Variants in GRB10 observed in about 807,000 individuals in gnomAD.
GRB10 encodes the protein growth factor receptor-bound protein 10.
A neutral mutation model predicts 80.9 loss-of-function variants in GRB10; 20 were observed. The ratio of observed to expected loss-of-function variants is 0.25; its 90% CI spans 0.17 to 0.36. GRB10 has a LOEUF of 0.36. Ranked by LOEUF, GRB10 falls within the 10% of genes least tolerant of loss-of-function variation. GRB10 has a pLI of 1.00. For synonymous variants in GRB10, 291 were observed against 291.5 expected, an observed-to-expected ratio of 1.00 and a Z score of 0.02; for missense variants, 548 against 747.7, an observed-to-expected ratio of 0.73 and a Z score of 3.12.
At chr7:50,629,110 T>C (rs1392108988) in intron 7 of GRB10, among the ~76,000 whole-genome samples, 1 of 152,216 alleles carries the variant, frequency 6.6e-6, no homozygotes, top group Admixed American at 6.5e-5. Context: ...CTAATGCTCT[T>C]CTTCCCTGAG....
rs1356790224 is a variant in GRB10, at chr7:50,674,727, T to C, written c.140-69A>G. ...GAGAGCAATCAAACCCAAATGTACATCTTGGTGATCAGGTTCCAAACCTCA... is the reference window on the plus strand; with the variant it reads ...GAGAGCAATCAAACCCAAATGTACACCTTGGTGATCAGGTTCCAAACCTCA... On this transcript the variant is annotated intron_variant, in intron 5 of 18. Coordinates refer to ENST00000401949, the MANE Select transcript of GRB10 (RefSeq NM_001350814.2). The C allele has an allele frequency of 6.8e-5, 90 of 1,316,426 alleles. No individual in the cohort carries two copies. The East Asian group carries it at 2.0e-3, about 29-fold the overall frequency. The allele number at this position is 1,316,426 out of a possible 1,614,324, so 81.5% of individuals were successfully genotyped here. A position where few individuals can be genotyped will look rare whatever the true frequency, so the allele number is the denominator to read the frequency against.
At position 50,667,042 on chromosome 7, in the gene GRB10, C is replaced by CAAAA. The variant is rs777580027; in HGVS notation, c.504+2676_504+2679dup. 2.8e-5 allele frequency among the ~76,000 whole-genome samples: 3 copies of CAAAA among 108,122 alleles called. 1 individual carries two copies. Among genetic ancestry groups the CAAAA allele is most frequent in the South Asian group, 7.1e-4 (2 of 2,798 alleles). The allele number at this position is 108,122 out of a possible 152,430, so 70.9% of individuals were successfully genotyped here. A position where few individuals can be genotyped will look rare whatever the true frequency, so the allele number is the denominator to read the frequency against. On this transcript the variant is annotated intron_variant, in intron 7 of 18. Coordinates refer to ENST00000401949, the MANE Select transcript of GRB10 (RefSeq NM_001350814.2). ...TGGGCGACAGAGCGAGACTCTGTCT[C>CAAAA]AAAAAAAAAAAAAAAAAAAGGAGAG...
chr7:50,682,480 C>T (rs926375069), intron 5 of GRB10, among the ~76,000 whole-genome samples: 3 of 152,166 alleles, frequency 2.0e-5, no homozygotes, highest in Non-Finnish European at 2.9e-5. Flanking sequence ...GATTGGTAAC[C>T]GTATTTGAAA....
At chr7:50,649,804 G>T (rs917907548) in intron 7 of GRB10, among the ~76,000 whole-genome samples, 1 of 152,196 alleles carries the variant, frequency 6.6e-6, no homozygotes, top group Non-Finnish European at 1.5e-5. Context: ...TCAAGGATAT[G>T]CTCCTCTTCC....
In GRB10 at chr7:50,737,850, AAAAC is replaced by A. The variant is rs919738388; in HGVS notation, c.-46-5486_-46-5483del. 1.3e-3 allele frequency among the ~76,000 whole-genome samples: 198 copies of A among 152,360 alleles called. 1 individual carries two copies. The highest frequency in any genetic ancestry group is 3.1e-3 in the Admixed American group (48 of 15,306). On this transcript the variant is annotated intron_variant, in intron 3 of 18. Coordinates refer to ENST00000401949, the MANE Select transcript of GRB10 (RefSeq NM_001350814.2). Reference sequence around the variant, plus strand: ...GCGACAAGAGCAAAACTCTACCTCAAAAACAAACAAACAAACAAAGAAACAAAAA... The same window carrying A: ...GCGACAAGAGCAAAACTCTACCTCAAAAACAAACAAACAAAGAAACAAAAA...
intron 2 of GRB10, among the ~76,000 whole-genome samples, chr7:50,776,805 C>A (rs571509562): frequency 2.6e-5 from 4 of 152,266 alleles, no homozygotes; most frequent in African/African-American, 9.6e-5. Context: ...GCTTTACTGT[C>A]TATAATACTA....
At chr7:50,652,914 C>T (rs1028826255) in intron 7 of GRB10, among the ~76,000 whole-genome samples, 1 of 152,152 alleles carries the variant, frequency 6.6e-6, no homozygotes, top group African/African-American at 2.4e-5. Context: ...GGATTCCTGC[C>T]CTCAACAACA....
chr7:50,651,428 C>G (rs1240536948), intron 7 of GRB10, among the ~76,000 whole-genome samples: 1 of 152,178 alleles, frequency 6.6e-6, no homozygotes, highest in Non-Finnish European at 1.5e-5. Context: ...GTGGCATTCT[C>G]GTCCCGTGTC....
intron 7 of GRB10, among the ~76,000 whole-genome samples, chr7:50,649,798 G>A (rs992278146): frequency 6.6e-6 from 1 of 152,200 alleles, no homozygotes; most frequent in Non-Finnish European, 1.5e-5. Context: ...GGGGAATCAA[G>A]GATATGCTCC....
intron 5 of GRB10, among the ~76,000 whole-genome samples, chr7:50,686,238 G>C (rs2062089083): frequency 6.6e-6 from 1 of 152,138 alleles, no homozygotes; most frequent in South Asian, 2.1e-4. Context: ...GCCCTGGAGA[G>C]ACCCTTCCCC....
chr7:50,733,182 C>T (rs2070185995), intron 3 of GRB10, among the ~76,000 whole-genome samples: 1 of 152,130 alleles, frequency 6.6e-6, no homozygotes, highest in Non-Finnish European at 1.5e-5. Flanking sequence ...CAGACTTGTA[C>T]AGAGAGAAGA....
At chr7:50,717,701 G>A (rs112248009) in intron 4 of GRB10, among the ~76,000 whole-genome samples, 7 of 152,174 alleles carry the variant, frequency 4.6e-5, no homozygotes, top group Non-Finnish European at 1.0e-4. Flanking sequence ...TGAAGACAGC[G>A]TATCTTCTCC....
intron 2 of GRB10, among the ~76,000 whole-genome samples, chr7:50,773,689 A>C (rs1373480819): frequency 6.6e-6 from 1 of 152,220 alleles, no homozygotes; most frequent in East Asian, 1.9e-4. Flanking sequence ...AGCAATTATA[A>C]TCTAGACATA....
chr7:50,610,866 C>T (rs1040522066), intron 13 of GRB10, among the ~76,000 whole-genome samples: 4 of 152,094 alleles, frequency 2.6e-5, no homozygotes, highest in Non-Finnish European at 4.4e-5. Flanking sequence ...GTTATGTTAG[C>T]GCAACAAAGG....
rs11979466 is a variant in GRB10 at position 50,763,934 on chromosome 7, C to G, written c.-216-7878G>C. On this transcript the variant is annotated intron_variant, in intron 2 of 18. Coordinates refer to ENST00000401949, the MANE Select transcript of GRB10 (RefSeq NM_001350814.2). Reference sequence around the variant, plus strand: ...TTGCCCTCTGTACTTCAAATGCACCCAAATTCTCAGCGACAGCTGCCAGGC... The same window carrying G: ...TTGCCCTCTGTACTTCAAATGCACCGAAATTCTCAGCGACAGCTGCCAGGC... Among the ~76,000 whole-genome samples the G allele has an allele frequency of 2.6e-3, 392 of 152,332 alleles. 2 individuals are homozygous for G. The highest frequency in any genetic ancestry group is 9.0e-3 in the African/African-American group (374 of 41,578).
chr7:50,763,195 C>G (rs2075955563), intron 2 of GRB10, among the ~76,000 whole-genome samples: 1 of 151,518 alleles, frequency 6.6e-6, no homozygotes, highest in African/African-American at 2.4e-5. Context: ...CTCTTCTTTA[C>G]TGAAATAAGA....
chr7:50,759,416 G>A (rs1479159340), intron 2 of GRB10, among the ~76,000 whole-genome samples: 2 of 152,062 alleles, frequency 1.3e-5, no homozygotes, highest in African/African-American at 4.8e-5. Flanking sequence ...TGGCGGATCG[G>A]TTCCAGGACA....
At chr7:50,791,869 A>T (rs1344188557) in intron 1 of GRB10, among the ~76,000 whole-genome samples, 3 of 150,948 alleles carry the variant, frequency 2.0e-5, no homozygotes, top group African/African-American at 7.2e-5. Flanking sequence ...CAGTGCTTTT[A>T]CTTAAAATAC....
At chr7:50,627,041 G>C in intron 7 of GRB10, 63 bp from the exon 8 acceptor site, 2 of 1,525,640 alleles carry the variant, frequency 1.3e-6, no homozygotes, top group Non-Finnish European at 1.8e-6. Flanking sequence ...AATAAAAACT[G>C]AAACAAAAGA....
Sources: gnomAD v4.1 joint callset for allele counts (sites outside exome capture counted in the v4.1 genomes callset) on GRCh38, gnomAD v4.1.1 for gene constraint, MANE v1.5 for transcripts, NCBI Gene and HGNC (gene_info 2026-07-23, HGNC 2026-07-21) for gene names.